The following CRYBA4 variants were observed in gnomAD, a reference collection of about 807,000 sequenced individuals.
The protein encoded by CRYBA4 is crystallin beta A4, also known as beta-crystallin A4.
A neutral mutation model predicts 31.7 loss-of-function variants in CRYBA4; 30 were observed. That is an observed-to-expected ratio of 0.95 (90% CI 0.71 to 1.28). CRYBA4 has a LOEUF of 1.28. Among genes scored for constraint, CRYBA4 ranks in the 50% most tolerant of loss-of-function variants. CRYBA4 has a pLI of 0.00. For missense variants in CRYBA4, 225 were observed against 260.7 expected (o/e 0.86, Z 0.94); for synonymous variants, 102 against 102.3 (o/e 1.00, Z 0.02).
chr22:26,625,589 G>A lies in CRYBA4; in HGVS notation c.267G>A (p.Glu89=), dbSNP rs781079892. ...AWGGNTAYPA[E]RLTSFRPAAC... ...GCGGCAACACGGCCTACCCCGCCGA[G>A]AGGCTCACCTCCTTCCGGCCTGCGG... is the stretch of plus-strand genomic sequence containing the variant. Residue 89 remains glutamate, a synonymous_variant, in exon 4 of 6, where the codon GAG becomes GAA. Coordinates refer to ENST00000354760, the MANE Select transcript of CRYBA4 (RefSeq NM_001886.3). 1 of 1,614,000 alleles carries A rather than the reference G, an allele frequency of 6.2e-7. No individual in the cohort carries two copies. Among genetic ancestry groups the A allele is most frequent in the South Asian group, 1.1e-5 (1 of 91,074 alleles).
Position 26,630,473 on chromosome 22 carries a change from A to G in CRYBA4, c.577A>G (p.Arg193Gly), listed in dbSNP as rs1929894034. 1.9e-6 allele frequency: 3 copies of G among 1,613,682 alleles called. No individual in the cohort carries two copies. Among genetic ancestry groups the G allele is most frequent in the South Asian group, 1.1e-5 (1 of 91,060 alleles). ...APTFQVQSIR[R>G]IQQ ...GACCTTCCAGGTGCAGAGCATCCGC[A>G]GGATCCAGCAGTGAACAGGGGTGCG... Residue 193 changes from arginine (R) to glycine (G), a missense_variant, in exon 6 of 6, where the codon AGG (arginine) becomes GGG (glycine). Arg to Gly is a moderately radical substitution (Grantham distance 125, BLOSUM62 -2). Coordinates refer to ENST00000354760, the MANE Select transcript of CRYBA4 (RefSeq NM_001886.3).
intron 4 of CRYBA4, among the ~76,000 whole-genome samples, chr22:26,627,334 CCCCTCCCTCCCTCCCT>C (rs1184748249): frequency 4.0e-5 from 1 of 25,098 alleles, no homozygotes; most frequent in Non-Finnish European, 6.1e-5. Context: ...CTTTTCCTTT[CCCCTCCCTCCCTCCCT>C]CCCTCCCTCC....
the CRYBA4 span, among the ~76,000 whole-genome samples, chr22:26,613,406 A>G: frequency 6.6e-6 from 1 of 152,254 alleles, no homozygotes; most frequent in African/African-American, 2.4e-5. Context: ...GCGGGAAGTC[A>G]GGGACCCCAA....
At chr22:26,597,753 C>T in the CRYBA4 span, among the ~76,000 whole-genome samples, 3 of 152,200 alleles carry the variant, frequency 2.0e-5, no homozygotes, top group African/African-American at 7.2e-5. Flanking sequence ...ACCCCAGCTC[C>T]AGGATTGAGT....
the CRYBA4 span, chr22:26,599,310 T>TG: frequency 1.6e-6 from 1 of 613,386 alleles, no homozygotes; most frequent in Non-Finnish European, 2.9e-6. Flanking sequence ...TTATTATCGT[T>TG]GTAATTATTA....
chr22:26,625,097 C>G (rs1929661537), intron 3 of CRYBA4, among the ~76,000 whole-genome samples: 2 of 152,306 alleles, frequency 1.3e-5, no homozygotes, highest in South Asian at 4.1e-4. Context: ...CCTCTGTGGA[C>G]ACGGACGGAG....
chr22:26,621,062 A>C (rs2145977104), upstream of CRYBA4, among the ~76,000 whole-genome samples: 1 of 152,192 alleles, frequency 6.6e-6, no homozygotes, highest in African/African-American at 2.4e-5. Context: ...TTTTACACAC[A>C]AGTATGTATG....
At chr22:26,611,013 A>G in the CRYBA4 span, among the ~76,000 whole-genome samples, 1 of 152,188 alleles carries the variant, frequency 6.6e-6, no homozygotes, top group Non-Finnish European at 1.5e-5. Context: ...CCCTGACCTC[A>G]GCACACACAG....
At chr22:26,629,501 G>A (rs1929854571) in intron 5 of CRYBA4, among the ~76,000 whole-genome samples, 1 of 151,948 alleles carries the variant, frequency 6.6e-6, no homozygotes, top group African/African-American at 2.4e-5. Context: ...CAGCCCTTTG[G>A]GAGGCTGAGG....
At chr22:26,591,508 C>T in the CRYBA4 span, among the ~76,000 whole-genome samples, 7 of 148,780 alleles carry the variant, frequency 4.7e-5, no homozygotes, top group Non-Finnish European at 7.4e-5. Flanking sequence ...TTTGGGAGGC[C>T]GATGCGGGTG....
chr22:26,607,814 C>G, the CRYBA4 span: 1 of 1,605,858 alleles, frequency 6.2e-7, no homozygotes, highest in Non-Finnish European at 8.5e-7. Flanking sequence ...CCTTCTTGCC[C>G]TTGTCAGATC....
At chr22:26,620,093 A>C (rs909471180), upstream of CRYBA4, among the ~76,000 whole-genome samples, 43 of 149,276 alleles carry the variant, frequency 2.9e-4, no homozygotes, top group African/African-American at 9.8e-4. Context: ...AACTGAAGCA[A>C]CTCCCTTTCC....
At position 26,628,336 on chromosome 22, in the gene CRYBA4, G is replaced by C; in HGVS notation, c.349G>C (p.Gly117Arg). 1 of 1,613,948 alleles carries C rather than the reference G, an allele frequency of 6.2e-7. No homozygotes were observed. Among genetic ancestry groups the C allele is most frequent in the South Asian group, 1.1e-5 (1 of 91,060 alleles). ...LTIFEQENFL[G>R]KKGELSDDYP... is the part of the protein sequence containing the mutation. ...AATCTTCGAGCAAGAGAACTTCCTG[G>C]GCAAGAAAGGAGAGCTGAGCGATGA... The change falls in exon 5 of 6, where the codon GGC becomes CGC. Residue 117 changes from glycine (G) to arginine (R), a missense_variant. Gly to Arg is a moderately radical substitution (Grantham distance 125). Coordinates refer to ENST00000354760, the MANE Select transcript of CRYBA4 (RefSeq NM_001886.3).
At chr22:26,593,902 C>T in the CRYBA4 span, among the ~76,000 whole-genome samples, 1 of 152,180 alleles carries the variant, frequency 6.6e-6, no homozygotes, top group Non-Finnish European at 1.5e-5. Context: ...ATCATTTACC[C>T]TCTCCAAGCT....
intron 1 of CRYBA4, 102 bp from the exon 2 acceptor site, chr22:26,622,482 TG>T: frequency 1.0e-6 from 1 of 973,186 alleles, no homozygotes; most frequent in Non-Finnish European, 1.7e-6. Context: ...CAGTCACTCC[TG>T]GACTCCCTAT....
At chr22:26,625,745 C>T in intron 4 of CRYBA4, 123 bp downstream of exon 4, 2 of 934,638 alleles carry the variant, frequency 2.1e-6, no homozygotes, top group Admixed American at 4.2e-5. Flanking sequence ...AAGGGCTGTT[C>T]AGTCTCTTTC....
the CRYBA4 span, among the ~76,000 whole-genome samples, chr22:26,610,120 T>A: frequency 6.6e-6 from 1 of 152,218 alleles, no homozygotes; most frequent in African/African-American, 2.4e-5. Flanking sequence ...TTTAAATGTT[T>A]ATATCTATGC....
the CRYBA4 span, among the ~76,000 whole-genome samples, chr22:26,608,317 CTG>C: frequency 3.3e-5 from 5 of 152,344 alleles, no homozygotes; most frequent in East Asian, 9.7e-4. Flanking sequence ...TCTGAGCACA[CTG>C]TTTCTCTAGA....
chr22:26,630,225 G>T, intron 5 of CRYBA4, 115 bp from the exon 6 acceptor site: 1 of 1,388,040 alleles, frequency 7.2e-7, no homozygotes, highest in South Asian at 1.2e-5. Context: ...TGTGAGCACT[G>T]AAGAAAGGCC....
Sources: gnomAD v4.1 joint callset for allele counts (sites outside exome capture counted in the v4.1 genomes callset) on GRCh38, gnomAD v4.1.1 for gene constraint, MANE v1.5 for transcripts, NCBI Gene and HGNC (gene_info 2026-07-23, HGNC 2026-07-21) for gene names.